The following FCF1 variants were observed in gnomAD, a reference collection of about 807,000 sequenced individuals.
The protein encoded by FCF1 is FCF1 rRNA-processing protein, also known as rRNA-processing protein FCF1 homolog.
Under a neutral mutation model 32.5 loss-of-function variants are expected in FCF1, and 17 were observed. The observed-to-expected ratio is 0.52, with a 90% CI of 0.36 to 0.78. The LOEUF (loss-of-function observed/expected upper bound fraction) is 0.78, where lower values mean the gene tolerates loss of function less well. Ranked by LOEUF, FCF1 falls within the 30% of genes least tolerant of loss-of-function variation. The pLI, the probability that FCF1 is intolerant of heterozygous loss-of-function variation, is 0.00. For missense variants in FCF1, 201 were observed against 241.1 expected (o/e 0.83, Z 1.10); for synonymous variants, 84 against 78.4 (o/e 1.07, Z -0.38).
chr14:74,734,807 G>A, intron 7 of FCF1, 75 bp from the exon 8 acceptor site: 1 of 1,184,160 alleles, frequency 8.4e-7, no homozygotes, highest in South Asian at 1.2e-5. Context: ...GAGTATTGCA[G>A]TCTATAAAGG....
At chr14:74,723,464 TG>T (rs1218389658) in intron 5 of FCF1, 120 bp downstream of exon 5, 5 of 701,954 alleles carry the variant, frequency 7.1e-6, no homozygotes, top group South Asian at 3.8e-5. Flanking sequence ...TTATCATTTT[TG>T]GGGGGGTTGT....
chr14:74,723,225 A>G, intron 4 of FCF1, 47 bp from the exon 5 acceptor site: 1 of 1,376,050 alleles, frequency 7.3e-7, no homozygotes, highest in East Asian at 2.3e-5. Context: ...TTCAGAGATA[A>G]TTTCGTTACA....
intron 5 of FCF1, among the ~76,000 whole-genome samples, chr14:74,727,786 A>G (rs1339932873): frequency 2.6e-5 from 4 of 151,844 alleles, no homozygotes; most frequent in Admixed American, 6.6e-5. Flanking sequence ...ATTTTTGTAT[A>G]AAGTGTAAGA....
chr14:74,735,869 C>G lies in FCF1; in HGVS notation c.*939C>G, dbSNP rs2090700979. ...GACATGAGCCACTGTGCCTGGCCTG[C>G]TCACTTTCTGATGCTGCTTTTTTGT... is the stretch of plus-strand genomic sequence containing the variant. On this transcript the variant is annotated 3_prime_UTR_variant, in exon 8 of 8. Transcript: ENST00000341162. 1 of 152,180 alleles carries G rather than the reference C, an allele frequency of 6.6e-6. No homozygotes were observed. The highest frequency in any genetic ancestry group is 2.4e-5 in the African/African-American group (1 of 41,196). The allele number at this position is 152,180 out of a possible 1,614,324, so 9.4% of individuals were successfully genotyped here. A position where few individuals can be genotyped will look rare whatever the true frequency, so the allele number is the denominator to read the frequency against.
intron 4 of FCF1, among the ~76,000 whole-genome samples, chr14:74,718,936 C>T (rs971525640): frequency 6.6e-6 from 1 of 151,776 alleles, no homozygotes; most frequent in African/African-American, 2.4e-5. Context: ...TCGAGATCAG[C>T]CCGGCCAACA....
At position 74,714,884 on chromosome 14, in the gene FCF1, T is replaced by C. The variant is rs1329991694; in HGVS notation, c.84T>C (p.Asp28=). The part of the protein sequence containing the change: ...SLRDQRLKEK[D]RLKPKKKEKK... ...TTTTTCTTCCTAGTAAAGAAAAGGA[T>C]AGATTAAAACCTAAAAAGAAAGAAA... The change falls in exon 3 of 8, where the codon GAT becomes GAC. Residue 28 remains aspartate, a synonymous_variant. Coordinates refer to ENST00000341162, the MANE Select transcript of FCF1 (RefSeq NM_015962.5). 20 of 1,585,416 alleles carry C rather than the reference T, an allele frequency of 1.3e-5. 1 individual carries two copies. The East Asian group carries it at 4.3e-4, about 34-fold the overall frequency.
intron 5 of FCF1, among the ~76,000 whole-genome samples, chr14:74,724,453 T>G (rs1426716258): frequency 6.6e-6 from 1 of 152,120 alleles, no homozygotes; most frequent in Non-Finnish European, 1.5e-5. Flanking sequence ...CATGGCCAGT[T>G]TTTTAAAATT....
chr14:74,714,210 T>A (rs1156701336), intron 2 of FCF1, among the ~76,000 whole-genome samples: 2 of 152,136 alleles, frequency 1.3e-5, no homozygotes, highest in Admixed American at 1.3e-4. Context: ...TCCCAGCACT[T>A]TGGGAGGCTG....
At chr14:74,734,838 T>A (rs2090685581) in intron 7 of FCF1, 44 bp from the exon 8 acceptor site, 1 of 1,547,056 alleles carries the variant, frequency 6.5e-7, no homozygotes, top group African/African-American at 1.4e-5. Context: ...AGATGGGTTC[T>A]CTTCCCATCT....
chr14:74,715,772 G>A (rs1347169009), intron 3 of FCF1, 179 bp from the exon 4 acceptor site: 2 of 1,417,612 alleles, frequency 1.4e-6, no homozygotes, highest in Non-Finnish European at 1.9e-6. Flanking sequence ...TGCCAGGGGA[G>A]CTGAGATTAA....
At chr14:74,720,282 C>T (rs919318931) in intron 4 of FCF1, among the ~76,000 whole-genome samples, 9 of 152,104 alleles carry the variant, frequency 5.9e-5, no homozygotes, top group Non-Finnish European at 5.9e-5. Flanking sequence ...GTGCATCATC[C>T]ATCACCATAG....
At chr14:74,723,123 A>G in intron 4 of FCF1, 149 bp from the exon 5 acceptor site, 1 of 605,620 alleles carries the variant, frequency 1.7e-6, no homozygotes, top group Non-Finnish European at 3.0e-6. Flanking sequence ...GTTTTCTTCT[A>G]CTCTAGTTCT....
intron 4 of FCF1, among the ~76,000 whole-genome samples, chr14:74,717,020 GC>G (rs34224717): frequency 0.67 from 101,380 of 151,488 alleles, 33,977 homozygotes; most frequent in East Asian, 0.73. Context: ...TTCTTTAGAT[GC>G]CCAAAAATTA....
rs1032585525 is a variant in FCF1, at chr14:74,713,653, A to T, written c.71+101A>T. Reference sequence around the variant, plus strand: ...GTTATTATTTTGTTTTTTGCTTATTATCGTGTCTTAGATTTATATAGCATG... The same window carrying T: ...GTTATTATTTTGTTTTTTGCTTATTTTCGTGTCTTAGATTTATATAGCATG... On this transcript the variant is annotated intron_variant, in intron 2 of 7. Coordinates refer to ENST00000341162, the MANE Select transcript of FCF1 (RefSeq NM_015962.5). 8 of 1,030,730 alleles carry T rather than the reference A, an allele frequency of 7.8e-6. No individual in the cohort carries two copies. The Admixed American group carries it at 1.2e-4, about 15-fold the overall frequency. The allele number at this position is 1,030,730 out of a possible 1,614,324, so 63.8% of individuals were successfully genotyped here.
chr14:74,722,047 C>CTT (rs59367492), intron 4 of FCF1, among the ~76,000 whole-genome samples: 2,291 of 121,338 alleles, frequency 0.019, 113 homozygotes, highest in Admixed American at 0.04. Context: ...TGGGTATTTT[C>CTT]TTTTTTTTTT....
At chr14:74,722,047 C>CTTTTTTTTTTTTTTTTTTTTTTT (rs59367492) in intron 4 of FCF1, among the ~76,000 whole-genome samples, 1 of 121,410 alleles carries the variant, frequency 8.2e-6, no homozygotes, top group Non-Finnish European at 1.6e-5. Flanking sequence ...TGGGTATTTT[C>CTTTTTTTTTTTTTTTTTTTTTTT]TTTTTTTTTT....
intron 4 of FCF1, among the ~76,000 whole-genome samples, chr14:74,716,789 T>G (rs2090427185): frequency 6.6e-6 from 1 of 152,182 alleles, no homozygotes. Context: ...GTCACCCGGT[T>G]AGAGGTACGA....
At chr14:74,734,422 G>A (rs1015701002) in intron 7 of FCF1, among the ~76,000 whole-genome samples, 1 of 151,716 alleles carries the variant, frequency 6.6e-6, no homozygotes, top group African/African-American at 2.4e-5. Flanking sequence ...TTAAATAAAA[G>A]CAGTAATTTA....
intron 5 of FCF1, among the ~76,000 whole-genome samples, chr14:74,724,868 G>T (rs2090554447): frequency 6.6e-6 from 1 of 151,954 alleles, no homozygotes; most frequent in Non-Finnish European, 1.5e-5. Flanking sequence ...TGGTGCCACT[G>T]CACTTTAGCC....
Sources: allele counts gnomAD v4.1 joint callset (sites outside exome capture counted in the v4.1 genomes callset), GRCh38; gene constraint gnomAD v4.1.1; transcripts MANE v1.5; gene names NCBI Gene and HGNC (gene_info 2026-07-23, HGNC 2026-07-21).